EMILIN2: variants seen among roughly 807,000 people sequenced by gnomAD.
The protein encoded by EMILIN2 is elastin microfibril interfacer 2.
Under a neutral mutation model 87.1 loss-of-function variants are expected in EMILIN2, and 71 were observed. The ratio of observed to expected loss-of-function variants is 0.82; its 90% confidence interval spans 0.67 to 0.99. The LOEUF is 0.99. EMILIN2 is among the 50% of genes least tolerant of loss of function. EMILIN2 has a pLI of 0.00. For synonymous variants in EMILIN2, 581 were observed against 563.4 expected (o/e 1.03, Z -0.44); for missense variants, 1,407 against 1,371.8 (o/e 1.03, Z -0.40).
Position 2,847,420 on chromosome 18 carries a change from CG to C in EMILIN2, c.134+103del. 5 of 1,159,632 alleles carry C rather than the reference CG, an allele frequency of 4.3e-6. No homozygotes were observed. The highest frequency in any genetic ancestry group is 4.3e-6 in the Non-Finnish European group (4 of 928,498). The allele number at this position is 1,159,632 out of a possible 1,614,324, so 71.8% of individuals were successfully genotyped here. ...CCTGCCAAAGACGACGAGCGGCAGC[CG>C]GGGGCCTCCCTTGGACTTCCCCGGG... On this transcript the variant is annotated intron_variant, in intron 1 of 7. Coordinates refer to ENST00000254528, the MANE Select transcript of EMILIN2 (RefSeq NM_032048.3). This position sits in a 1 kb window ranked among gnomAD's most constrained non-coding sequence, Gnocchi z 4.5.
At chr18:2,861,254 A>G (rs1435540052) in intron 2 of EMILIN2, among the ~76,000 whole-genome samples, 5 of 152,044 alleles carry the variant, frequency 3.3e-5, no homozygotes, top group African/African-American at 1.2e-4. Context: ...CCCATTTGTC[A>G]ATTTTGGCTT....
rs771619524 is a variant in EMILIN2, at chr18:2,890,367, G to A, written c.434-194G>A. Among the ~76,000 whole-genome samples the A allele has an allele frequency of 5.3e-5, 8 of 152,226 alleles. No individual in the cohort carries two copies. The highest frequency in any genetic ancestry group is 1.0e-4 in the Non-Finnish European group (7 of 68,040). On this transcript the variant is annotated intron_variant, in intron 3 of 7. Transcript: ENST00000254528. This position sits in a 1 kb window ranked among gnomAD's most constrained non-coding sequence, Gnocchi z 4.7. ...GGACAAACAGTAAATAGCAGAGCCA[G>A]AATGCAAGTAGAGGTCTATTTGACT...
At chr18:2,854,603 A>G (rs2076618018) in intron 2 of EMILIN2, among the ~76,000 whole-genome samples, 1 of 152,220 alleles carries the variant, frequency 6.6e-6, no homozygotes, top group South Asian at 2.1e-4. Context: ...GACCAGCCTG[A>G]TTAACATAGT....
intron 2 of EMILIN2, among the ~76,000 whole-genome samples, chr18:2,864,717 G>T (rs1356133738): frequency 1.3e-5 from 2 of 152,060 alleles, no homozygotes; most frequent in African/African-American, 4.8e-5. Context: ...TTCTCAAGGA[G>T]TCTCTTTGTG....
At position 2,847,141 on chromosome 18, in the gene EMILIN2, C is replaced by A; in HGVS notation, c.-48C>A. 9.4e-7 allele frequency: 1 copy of A among 1,063,278 alleles called. No individual in the cohort carries two copies. The highest frequency in any genetic ancestry group is 3.3e-5 in the South Asian group (1 of 29,940). The allele number at this position is 1,063,278 out of a possible 1,614,324, so 65.9% of individuals were successfully genotyped here. A position where few individuals can be genotyped will look rare whatever the true frequency, so the allele number is the denominator to read the frequency against. Reference sequence around the variant, plus strand: ...CAGCCTTGTGGCCGGTGCCCCGATCCGCCGCGCTCCGGACCCGGGCAGGCG... The same window carrying A: ...CAGCCTTGTGGCCGGTGCCCCGATCAGCCGCGCTCCGGACCCGGGCAGGCG... On this transcript the variant is annotated 5_prime_UTR_variant, in exon 1 of 8. Coordinates refer to ENST00000254528, the MANE Select transcript of EMILIN2 (RefSeq NM_032048.3). The surrounding 1 kb of genome is among the most constrained non-coding windows in gnomAD (Gnocchi z 4.5).
intron 3 of EMILIN2, among the ~76,000 whole-genome samples, chr18:2,885,951 T>G (rs2076801652): frequency 6.6e-6 from 1 of 152,258 alleles, no homozygotes. Flanking sequence ...CAACATTGTC[T>G]GTAAAAATAG....
chr18:2,860,130 T>A lies in EMILIN2; in HGVS notation c.257+12199T>A, dbSNP rs146858820. On this transcript the variant is annotated intron_variant, in intron 2 of 7. Coordinates refer to ENST00000254528, the MANE Select transcript of EMILIN2 (RefSeq NM_032048.3). ...AATGATGGTGTTATTTTGATGGGAA[T>A]TGCATTGAATTTGTAGATTGCTCTT... is the stretch of plus-strand genomic sequence containing the variant. 9.8e-3 allele frequency among the ~76,000 whole-genome samples: 1,488 copies of A among 152,310 alleles called. 18 individuals carry two copies. The highest frequency in any genetic ancestry group is 0.01 in the Middle Eastern group (3 of 294).
chr18:2,847,188 G>A lies in EMILIN2; in HGVS notation c.-1G>A, dbSNP rs1598481635. The A allele has an allele frequency of 8.6e-7, 1 of 1,156,130 alleles. No individual in the cohort carries two copies. Among genetic ancestry groups the A allele is most frequent in the Non-Finnish European group, 1.1e-6 (1 of 942,868 alleles). The allele number at this position is 1,156,130 out of a possible 1,614,324, so 71.6% of individuals were successfully genotyped here. On this transcript the variant is annotated 5_prime_UTR_variant, in exon 1 of 8. Coordinates refer to ENST00000254528, the MANE Select transcript of EMILIN2 (RefSeq NM_032048.3). This position sits in a 1 kb window ranked among gnomAD's most constrained non-coding sequence, Gnocchi z 4.5. ...GGCGGGGCGCGCCCGCTGCGCGCGGGATGTGGCAGCCCAGACGGCCCTGGC... is the reference window on the plus strand; with the variant it reads ...GGCGGGGCGCGCCCGCTGCGCGCGGAATGTGGCAGCCCAGACGGCCCTGGC...
In EMILIN2 at chr18:2,890,246, T is replaced by C. The variant is rs1027035635; in HGVS notation, c.434-315T>C. Among the ~76,000 whole-genome samples, 2 of 152,230 alleles carry C rather than the reference T, an allele frequency of 1.3e-5. No homozygotes were observed. Among genetic ancestry groups the C allele is most frequent in the Admixed American group, 1.3e-4 (2 of 15,286 alleles). Reference sequence around the variant, plus strand: ...GTGAAAGAGACCATTGATTATCTAATAGGTGTCATGTACATATTATTTTAA... The same window carrying C: ...GTGAAAGAGACCATTGATTATCTAACAGGTGTCATGTACATATTATTTTAA... On this transcript the variant is annotated intron_variant, in intron 3 of 7. Coordinates refer to ENST00000254528, the MANE Select transcript of EMILIN2 (RefSeq NM_032048.3). This position sits in a 1 kb window ranked among gnomAD's most constrained non-coding sequence, Gnocchi z 4.7.
intron 4 of EMILIN2, among the ~76,000 whole-genome samples, chr18:2,905,256 T>C (rs907757793): frequency 3.0e-4 from 37 of 123,570 alleles, no homozygotes; most frequent in African/African-American, 1.1e-3. Flanking sequence ...TTGGAGAAAC[T>C]GCCTCTCTCA....
At chr18:2,860,271 T>C (rs2076653892) in intron 2 of EMILIN2, among the ~76,000 whole-genome samples, 1 of 152,142 alleles carries the variant, frequency 6.6e-6, no homozygotes, top group African/African-American at 2.4e-5. Context: ...AGTTTTAGGG[T>C]ACATGTGCAC....
At chr18:2,856,073 A>G (rs895376348) in intron 2 of EMILIN2, among the ~76,000 whole-genome samples, 7 of 152,110 alleles carry the variant, frequency 4.6e-5, no homozygotes, top group African/African-American at 1.7e-4. Context: ...CTTGCCTAAG[A>G]TGAACTTTAA....
intron 2 of EMILIN2, among the ~76,000 whole-genome samples, chr18:2,865,387 G>A (rs907616098): frequency 6.6e-6 from 1 of 152,168 alleles, no homozygotes; most frequent in Admixed American, 6.5e-5. Flanking sequence ...TACAGTTGGG[G>A]TTTTGGTGTG....
chr18:2,897,921 C>T (rs906535412), intron 4 of EMILIN2, among the ~76,000 whole-genome samples: 1 of 151,292 alleles, frequency 6.6e-6, no homozygotes, highest in East Asian at 1.9e-4. Context: ...CTTCATGTAT[C>T]TCGTGTATCG....
In EMILIN2 at chr18:2,913,219, C is replaced by T. The variant is rs769320244; in HGVS notation, c.2977C>T (p.His993Tyr). Residue 993 changes from histidine (H) to tyrosine (Y), a missense_variant, in exon 8 of 8, where the codon CAC becomes TAC. His to Tyr is a moderately conservative substitution (Grantham distance 83, BLOSUM62 2). Transcript: ENST00000254528. ...GTACAGGAGAGAGTTCCTGGAATAC[C>T]ACCGCCCTCCAGGAGCTTTGCATAC... ...AGYRREFLEY[H>Y]RPPGALHTCG... The T allele has an allele frequency of 3.7e-6, 6 of 1,613,956 alleles. No individual in the cohort carries two copies. Among genetic ancestry groups the T allele is most frequent in the Admixed American group, 3.3e-5 (2 of 59,998 alleles).
At chr18:2,883,046 C>CA (rs1380755151) in intron 2 of EMILIN2, among the ~76,000 whole-genome samples, 5 of 152,098 alleles carry the variant, frequency 3.3e-5, no homozygotes, top group Admixed American at 1.3e-4. Flanking sequence ...CTCTACAAAA[C>CA]AAAAAACACA....
At position 2,890,442 on chromosome 18, in the gene EMILIN2, T is replaced by G; in HGVS notation, c.434-119T>G. ...GTACCACAGTACTTACCTACAATTG[T>G]GTAGTGACCTGTAAGTGAAGATGTA... On this transcript the variant is annotated intron_variant, in intron 3 of 7. Coordinates refer to ENST00000254528, the MANE Select transcript of EMILIN2 (RefSeq NM_032048.3). This position sits in a 1 kb window ranked among gnomAD's most constrained non-coding sequence, Gnocchi z 4.7. The G allele has an allele frequency of 8.2e-7, 1 of 1,214,646 alleles. No homozygotes were observed. Among genetic ancestry groups the G allele is most frequent in the Non-Finnish European group, 1.1e-6 (1 of 875,154 alleles). The allele number at this position is 1,214,646 out of a possible 1,614,324, so 75.2% of individuals were successfully genotyped here.
chr18:2,904,609 C>T (rs1206523179), intron 4 of EMILIN2, among the ~76,000 whole-genome samples: 2 of 152,180 alleles, frequency 1.3e-5, no homozygotes, highest in African/African-American at 4.8e-5. Flanking sequence ...CTGACTATCC[C>T]TTTTGTATAG....
At chr18:2,874,103 A>G (rs2076735804) in intron 2 of EMILIN2, among the ~76,000 whole-genome samples, 1 of 98,166 alleles carries the variant, frequency 1.0e-5, no homozygotes, top group African/African-American at 4.2e-5. Flanking sequence ...GTCCTGGAGA[A>G]AAGCTCCTCT....
Sources: allele counts gnomAD v4.1 joint callset (sites outside exome capture counted in the v4.1 genomes callset), GRCh38; gene constraint gnomAD v4.1.1; non-coding constraint Gnocchi (gnomAD v3.1); transcripts MANE v1.5; gene names NCBI Gene and HGNC (gene_info 2026-07-23, HGNC 2026-07-21).